Variants in NRAP observed in about 807,000 individuals in gnomAD.
NRAP encodes the protein nebulin-related-anchoring protein.
In NRAP, 189 loss-of-function variants were observed where a neutral mutation model predicts 225.9. The observed-to-expected ratio is 0.84, with a 90% confidence interval of 0.74 to 0.94. The LOEUF (loss-of-function observed/expected upper bound fraction) is 0.94, where lower values mean the gene tolerates loss of function less well. Among genes scored for constraint, NRAP ranks in the 40% least tolerant of loss-of-function variants. The pLI is 0.00. For missense variants in NRAP, 2,176 were observed against 2,168.7 expected, an observed-to-expected ratio of 1.00 and a Z score of -0.07; for synonymous variants, 769 against 790.7, an observed-to-expected ratio of 0.97 and a Z score of 0.46.
At chr10:113,627,105 G>A (rs1170590140) in intron 20 of NRAP, among the ~76,000 whole-genome samples, 1 of 152,208 alleles carries the variant, frequency 6.6e-6, no homozygotes, top group African/African-American at 2.4e-5. Context: ...ACAGTGATTG[G>A]AACACTGGAA....
intron 4 of NRAP, among the ~76,000 whole-genome samples, chr10:113,655,452 AT>A (rs1554870758): frequency 0.19 from 26,933 of 145,134 alleles, 3,001 homozygotes; most frequent in African/African-American, 0.3. Flanking sequence ...TTGTACATCC[AT>A]TTTTTTTTTT....
chr10:113,614,176 CA>C lies in NRAP; in HGVS notation c.3300+6del. On this transcript the variant is annotated splice_donor_region_variant and intron_variant, in intron 29 of 41. Transcript: ENST00000359988. ...CTGCAGCCGCTGATGCCTCTCCCCC[CA>C]CTTACATCACTCTGCAGTGAGGTCG... 7 of 1,589,136 alleles carry C rather than the reference CA, an allele frequency of 4.4e-6. No individual in the cohort carries two copies. The highest frequency in any genetic ancestry group is 5.2e-6 in the Non-Finnish European group (6 of 1,157,176).
intron 15 of NRAP, among the ~76,000 whole-genome samples, chr10:113,633,716 A>G (rs998429348): frequency 6.6e-6 from 1 of 152,164 alleles, no homozygotes; most frequent in Admixed American, 6.5e-5. Flanking sequence ...GTGATATGTT[A>G]AAATTATATA....
intron 41 of NRAP, 93 bp from the exon 42 acceptor site, chr10:113,589,172 G>T: frequency 9.8e-7 from 1 of 1,021,816 alleles, no homozygotes; most frequent in Non-Finnish European, 1.5e-6. Flanking sequence ...GAAGCACAGG[G>T]AGCATTTAAC....
At chr10:113,633,916 C>T (rs1384306489) in intron 15 of NRAP, among the ~76,000 whole-genome samples, 196 bp downstream of exon 15, 6 of 152,072 alleles carry the variant, frequency 3.9e-5, no homozygotes, top group Non-Finnish European at 8.8e-5. Flanking sequence ...ATTCATTATG[C>T]TATACTCTCT....
rs11575793 is a variant in NRAP, at chr10:113,590,288, C to G, written c.4956+290G>C. Among the ~76,000 whole-genome samples, 1,228 of 152,322 alleles carry G rather than the reference C, an allele frequency of 8.1e-3. 15 individuals carry two copies. The highest frequency in any genetic ancestry group is 0.028 in the African/African-American group (1,148 of 41,566). ...TGGGATCTTGAGTAAGTCACTGAAC[C>G]TCTCTGAGCCTCAAGTTCCTCATCT... is the stretch of plus-strand genomic sequence containing the variant. On this transcript the variant is annotated intron_variant, in intron 40 of 41. Transcript: ENST00000359988.
At chr10:113,613,154 CTAT>C (rs1847434092) in intron 29 of NRAP, among the ~76,000 whole-genome samples, 1 of 152,266 alleles carries the variant, frequency 6.6e-6, no homozygotes, top group East Asian at 1.9e-4. Flanking sequence ...CCCTGACCTC[CTAT>C]CCCCACTTCC....
At chr10:113,595,586 A>G in intron 38 of NRAP, 37 bp downstream of exon 38, 1 of 1,318,506 alleles carries the variant, frequency 7.6e-7, no homozygotes, top group Non-Finnish European at 1.1e-6. Context: ...ATTTTACAAA[A>G]GTGGGCACAC....
intron 26 of NRAP, 131 bp from the exon 27 acceptor site, chr10:113,615,947 C>T: frequency 1.5e-6 from 1 of 656,822 alleles, no homozygotes; most frequent in East Asian, 2.8e-5. Context: ...GGGCACCCTG[C>T]CTCCACCCAG....
chr10:113,621,587 C>G lies in NRAP; in HGVS notation c.2769+282G>C, dbSNP rs142449149. ...AGGAATGACACAAAGATACCTCCCC[C>G]CTGGCAATAAAAAGAAACCTGGAAA... On this transcript the variant is annotated intron_variant, in intron 24 of 41. Transcript: ENST00000359988. 5.3e-5 allele frequency among the ~76,000 whole-genome samples: 8 copies of G among 152,270 alleles called. No individual in the cohort carries two copies. In the Middle Eastern group the frequency reaches 0.01, roughly 194 times the overall value.
intron 15 of NRAP, 26 bp from the exon 16 acceptor site, chr10:113,633,214 G>A: frequency 7.5e-7 from 1 of 1,339,744 alleles, no homozygotes; most frequent in Non-Finnish European, 1.1e-6. Flanking sequence ...TAAATCTGTA[G>A]GGTTTTTATA....
intron 9 of NRAP, among the ~76,000 whole-genome samples, chr10:113,647,969 T>G (rs1849680020): frequency 6.6e-6 from 1 of 152,232 alleles, no homozygotes; most frequent in South Asian, 2.1e-4. Flanking sequence ...GGCAGCCAGA[T>G]GTACTTTAAG....
intron 2 of NRAP, 50 bp from the exon 3 acceptor site, chr10:113,662,816 G>T (rs2134231009): frequency 1.2e-6 from 1 of 840,162 alleles, no homozygotes; most frequent in South Asian, 1.7e-5. Context: ...TTATCCAAAT[G>T]ATTGAGGGAC....
At chr10:113,655,437 T>C (rs1457748855) in intron 4 of NRAP, among the ~76,000 whole-genome samples, 2 of 146,658 alleles carry the variant, frequency 1.4e-5, no homozygotes, top group African/African-American at 2.5e-5. Flanking sequence ...TAGGATAGTA[T>C]GGTATTGTAC....
chr10:113,634,649 AT>A (rs1848760921), intron 14 of NRAP, among the ~76,000 whole-genome samples: 2 of 152,324 alleles, frequency 1.3e-5, no homozygotes, highest in South Asian at 4.1e-4. Flanking sequence ...ACAGTACGGC[AT>A]TTGGGCACAT....
chr10:113,631,279 A>G lies in NRAP; in HGVS notation c.1842+230T>C, dbSNP rs537685500. On this transcript the variant is annotated intron_variant, in intron 18 of 41. Coordinates refer to ENST00000359988, the MANE Select transcript of NRAP (RefSeq NM_198060.4). ...TGCAATTGAACACCTTTGTACCTTG[A>G]TCAGCAGATGCTGTCACCCTTAGGG... Among the ~76,000 whole-genome samples, 3 of 152,312 alleles carry G rather than the reference A, an allele frequency of 2.0e-5. No homozygotes were observed. The South Asian group carries it at 6.2e-4, about 32-fold the overall frequency.
intron 21 of NRAP, 152 bp from the exon 22 acceptor site, chr10:113,625,082 A>G (rs1335264098): frequency 1.7e-6 from 1 of 598,798 alleles, no homozygotes; most frequent in East Asian, 2.8e-5. Context: ...GAGTGGCAGG[A>G]TACAGTCAAG....
Position 113,608,475 on chromosome 10 carries a change from G to A in NRAP, c.3641C>T (p.Thr1214Ile), listed in dbSNP as rs1219030888. ...YRQHPHSFKY[T>I]AVTDTPNLLH... ...GAGGTTGGGAGTGTCTGTCACAGCT[G>A]TGTACTTGAATGAGTGGGGATGCTG... Residue 1214 changes from threonine (T) to isoleucine (I), a missense_variant, in exon 32 of 42, where the codon ACA becomes ATA. Around this residue, in one of 3 missense-constraint regions of NRAP, gnomAD observed 1,708 missense variants for 1,695.5 expected, o/e 1.01. Coordinates refer to ENST00000359988, the MANE Select transcript of NRAP (RefSeq NM_198060.4). 6.2e-7 allele frequency: 1 copy of A among 1,613,482 alleles called. No homozygotes were observed. Among genetic ancestry groups the A allele is most frequent in the South Asian group, 1.1e-5 (1 of 90,998 alleles).
intron 9 of NRAP, among the ~76,000 whole-genome samples, chr10:113,647,559 C>CGGTGGT (rs1849610227): frequency 7.6e-5 from 10 of 131,286 alleles, no homozygotes; most frequent in East Asian, 4.8e-4. Context: ...CTGTCTCCCC[C>CGGTGGT]AGTGGTACTG....
Sources: allele counts gnomAD v4.1 joint callset (sites outside exome capture counted in the v4.1 genomes callset), GRCh38; gene constraint gnomAD v4.1.1; regional missense constraint gnomAD v4.1.1; transcripts MANE v1.5; gene names NCBI Gene and HGNC (gene_info 2026-07-23, HGNC 2026-07-21).